The following ERGIC1 variants were observed in gnomAD, a reference collection of about 807,000 sequenced individuals.
ERGIC1 encodes the protein endoplasmic reticulum-golgi intermediate compartment 1.
ERGIC1 carries 19 observed loss-of-function variants against 38.3 expected under a neutral mutation model. That is an observed-to-expected ratio of 0.50 (90% CI 0.35 to 0.73). ERGIC1 has a LOEUF of 0.73. ERGIC1 is among the 30% of genes least tolerant of loss of function. The pLI, the probability that ERGIC1 is intolerant of heterozygous loss-of-function variation, is 0.01. For missense variants in ERGIC1, 294 were observed against 389.2 expected (o/e 0.76, Z 2.06); for synonymous variants, 124 against 157.6 (o/e 0.79, Z 1.60).
At chr5:172,840,603 G>A (rs1761136502) in intron 1 of ERGIC1, among the ~76,000 whole-genome samples, 1 of 152,144 alleles carries the variant, frequency 6.6e-6, no homozygotes, top group Non-Finnish European at 1.5e-5. Context: ...GGAGAGCCTT[G>A]CCTCGGGAGG....
At position 172,926,155 on chromosome 5, in the gene ERGIC1, T is replaced by C. The variant is rs1158953451; in HGVS notation, c.481-354T>C. On this transcript the variant is annotated intron_variant, in intron 6 of 9. Coordinates refer to ENST00000393784, the MANE Select transcript of ERGIC1 (RefSeq NM_001031711.3). The surrounding 1 kb of genome is among the most constrained non-coding windows in gnomAD (Gnocchi z 5.2). ...AGCTTAGTGTCAGACAGACCTGATT[T>C]CAGAGTTTAGCTTAGCCACTTACCA... Among the ~76,000 whole-genome samples, 1 of 152,210 alleles carries C rather than the reference T, an allele frequency of 6.6e-6. No individual in the cohort carries two copies. Among genetic ancestry groups the C allele is most frequent in the Non-Finnish European group, 1.5e-5 (1 of 68,046 alleles).
intron 1 of ERGIC1, among the ~76,000 whole-genome samples, chr5:172,839,097 C>A (rs1296539862): frequency 6.6e-6 from 1 of 151,646 alleles, no homozygotes; most frequent in Non-Finnish European, 1.5e-5. Flanking sequence ...AAAAATCAGC[C>A]GGGCTTGATG....
chr5:172,924,261 G>A, intron 6 of ERGIC1, 152 bp downstream of exon 6: 2 of 748,128 alleles, frequency 2.7e-6, no homozygotes, highest in African/African-American at 1.7e-5. Flanking sequence ...GTTTCACCAG[G>A]AACAGAACAG....
chr5:172,877,665 G>A (rs1387983383), intron 1 of ERGIC1, among the ~76,000 whole-genome samples: 5 of 151,880 alleles, frequency 3.3e-5, no homozygotes, highest in African/African-American at 1.2e-4. Context: ...CCCTGTGACA[G>A]TGTCATTTTC....
At chr5:172,872,679 G>A (rs896069813) in intron 1 of ERGIC1, among the ~76,000 whole-genome samples, 1 of 152,204 alleles carries the variant, frequency 6.6e-6, no homozygotes, top group Non-Finnish European at 1.5e-5. Context: ...GCCTGGTGTG[G>A]TGGCACATGC....
rs986806002 is a variant in ERGIC1, at chr5:172,834,288, T to C, written c.-126T>C. ...CGGGAGGCGAGTGGCGAGTGGCGAG[T>C]GGCGAGTGTCAGGGGGGCGGCCGGC... On this transcript the variant is annotated 5_prime_UTR_variant, in exon 1 of 10. Coordinates refer to ENST00000393784, the MANE Select transcript of ERGIC1 (RefSeq NM_001031711.3). This position sits in a 1 kb window ranked among gnomAD's most constrained non-coding sequence, Gnocchi z 4.1. 2.4e-5 allele frequency: 22 copies of C among 914,208 alleles called. No homozygotes were observed. Among genetic ancestry groups the C allele is most frequent in the African/African-American group, 2.0e-4 (11 of 55,556 alleles). The allele number at this position is 914,208 out of a possible 1,614,324, so 56.6% of individuals were successfully genotyped here.
intron 1 of ERGIC1, among the ~76,000 whole-genome samples, chr5:172,871,064 G>A (rs1761993542): frequency 6.6e-6 from 1 of 152,240 alleles, no homozygotes; most frequent in African/African-American, 2.4e-5. Flanking sequence ...TGTGGGCCGT[G>A]CTGTTGTTTG....
At chr5:172,874,684 TG>T (rs775015987) in intron 1 of ERGIC1, among the ~76,000 whole-genome samples, 27 of 151,060 alleles carry the variant, frequency 1.8e-4, no homozygotes, top group Non-Finnish European at 3.2e-4. Flanking sequence ...ATCCCAACAC[TG>T]GGAGGCTGAG....
chr5:172,934,947 T>C, intron 8 of ERGIC1: 1 of 543,710 alleles, frequency 1.8e-6, no homozygotes, highest in South Asian at 2.4e-5. Flanking sequence ...CTGGTGCTGC[T>C]TGCAGCTCAC....
chr5:172,952,181 C>T lies in ERGIC1; in HGVS notation c.*1365C>T, dbSNP rs1764244797. 2 of 152,190 alleles carry T rather than the reference C, an allele frequency of 1.3e-5. 1 individual carries two copies. The highest frequency in any genetic ancestry group is 2.9e-5 in the Non-Finnish European group (2 of 68,030). The allele number at this position is 152,190 out of a possible 1,614,324, so 9.4% of individuals were successfully genotyped here. A position where few individuals can be genotyped will look rare whatever the true frequency, so the allele number is the denominator to read the frequency against. ...CATTTATAGCAAGATTGTTTGCATA[C>T]TTTTGTAATGAAGGGGAGTGTCCAG... On this transcript the variant is annotated 3_prime_UTR_variant, in exon 10 of 10. Coordinates refer to ENST00000393784, the MANE Select transcript of ERGIC1 (RefSeq NM_001031711.3).
At chr5:172,860,482 AC>A (rs1358670418) in intron 1 of ERGIC1, among the ~76,000 whole-genome samples, 1 of 152,222 alleles carries the variant, frequency 6.6e-6, no homozygotes, top group Non-Finnish European at 1.5e-5. Flanking sequence ...TGGGGTTTGA[AC>A]CCAGGCCTCC....
chr5:172,850,566 C>G (rs1363421015), intron 1 of ERGIC1, among the ~76,000 whole-genome samples: 4 of 152,152 alleles, frequency 2.6e-5, no homozygotes, highest in Non-Finnish European at 4.4e-5. Context: ...GGTGCTGATC[C>G]TAGTGCTCCC....
chr5:172,918,708 A>G (rs1309096683), intron 5 of ERGIC1, among the ~76,000 whole-genome samples: 1 of 152,234 alleles, frequency 6.6e-6, no homozygotes, highest in African/African-American at 2.4e-5. Flanking sequence ...TTACGAAGCA[A>G]TGGGAGCCAG....
intron 2 of ERGIC1, among the ~76,000 whole-genome samples, chr5:172,888,996 G>A (rs1395882392): frequency 6.6e-6 from 1 of 152,168 alleles, no homozygotes; most frequent in Non-Finnish European, 1.5e-5. Flanking sequence ...GTCAAGAGTA[G>A]CTGCCAGGCT....
intron 9 of ERGIC1, among the ~76,000 whole-genome samples, chr5:172,944,754 GCCT>G (rs1446581355): frequency 1.3e-5 from 2 of 152,224 alleles, no homozygotes; most frequent in Non-Finnish European, 2.9e-5. Context: ...AATTCTGCCA[GCCT>G]CCAAAGCCCA....
At chr5:172,920,560 A>G (rs1763485573) in intron 5 of ERGIC1, 2 of 661,454 alleles carry the variant, frequency 3.0e-6, no homozygotes, top group Non-Finnish European at 5.6e-6. Context: ...TTCCTAAGTC[A>G]CAGGCTCTAA....
intron 1 of ERGIC1, chr5:172,867,008 G>A (rs1156850644): frequency 2.7e-6 from 1 of 367,862 alleles, no homozygotes; most frequent in Non-Finnish European, 5.5e-6. Flanking sequence ...TGGAGATGAT[G>A]CAGATGGAGA....
At chr5:172,936,622 G>A (rs893236845) in intron 9 of ERGIC1, 6 of 152,270 alleles carry the variant, frequency 3.9e-5, no homozygotes, top group Admixed American at 6.5e-5. Context: ...AAGTAAGAAC[G>A]ATCATCTCTG....
At chr5:172,873,295 C>CA (rs1269062235) in intron 1 of ERGIC1, among the ~76,000 whole-genome samples, 1 of 152,232 alleles carries the variant, frequency 6.6e-6, no homozygotes, top group Non-Finnish European at 1.5e-5. Context: ...TTGCTCCCCC[C>CA]AGCCCAGCAC....
Sources: gnomAD v4.1 joint callset for allele counts (sites outside exome capture counted in the v4.1 genomes callset) on GRCh38, gnomAD v4.1.1 for gene constraint, Gnocchi (gnomAD v3.1) non-coding constraint, MANE v1.5 for transcripts, NCBI Gene and HGNC (gene_info 2026-07-23, HGNC 2026-07-21) for gene names.